The following ITPKA variants were observed in gnomAD, a reference collection of about 807,000 sequenced individuals.
The protein encoded by ITPKA is inositol-trisphosphate 3-kinase A, also known as IP3 3-kinase A.
In ITPKA, 16 loss-of-function variants were observed where a neutral mutation model predicts 40.7. That is an observed-to-expected ratio of 0.39 (90% CI 0.27 to 0.60). ITPKA has a LOEUF of 0.60. Ranked by LOEUF, ITPKA falls within the 20% of genes least tolerant of loss-of-function variation. The probability of loss-of-function intolerance (pLI) is 0.50; values close to 1 mark genes in which losing one functional copy is unlikely to be tolerated. For synonymous variants in ITPKA, 313 were observed against 289.9 expected (o/e 1.08, Z -0.81); for missense variants, 540 against 649.3 (o/e 0.83, Z 1.83).
intron 1 of ITPKA, among the ~76,000 whole-genome samples, chr15:41,501,008 G>GAAA (rs11366854): frequency 5.2e-5 from 3 of 58,180 alleles, no homozygotes; most frequent in Non-Finnish European, 9.1e-5. Flanking sequence ...GACTCCATCT[G>GAAA]AAAAAAAAAA....
chr15:41,501,866 C>T lies in ITPKA; in HGVS notation c.803+15C>T. On this transcript the variant is annotated intron_variant, in intron 3 of 6. Coordinates refer to ENST00000260386, the MANE Select transcript of ITPKA (RefSeq NM_002220.3). Reference sequence around the variant, plus strand: ...ATGGGCGTCAGGTATGCGTGCCCTGCCAGGTCGGTTGGGGGGATCAAGTAG... The same window carrying T: ...ATGGGCGTCAGGTATGCGTGCCCTGTCAGGTCGGTTGGGGGGATCAAGTAG... 1 of 1,610,362 alleles carries T rather than the reference C, an allele frequency of 6.2e-7. No homozygotes were observed. Among genetic ancestry groups the T allele is most frequent in the South Asian group, 1.1e-5 (1 of 90,898 alleles).
At chr15:41,497,400 G>A (rs2051080910) in intron 1 of ITPKA, among the ~76,000 whole-genome samples, 1 of 152,162 alleles carries the variant, frequency 6.6e-6, no homozygotes, top group Non-Finnish European at 1.5e-5. Context: ...GCTAAGTTTT[G>A]TATTTTTAAT....
chr15:41,499,293 G>A (rs535372360), intron 1 of ITPKA, among the ~76,000 whole-genome samples: 8 of 152,324 alleles, frequency 5.3e-5, no homozygotes, highest in South Asian at 2.1e-4. Flanking sequence ...GATTGGGCAC[G>A]TGATCACACC....
chr15:41,501,959 G>A (rs779915931), intron 3 of ITPKA, 38 bp from the exon 4 acceptor site: 4 of 1,597,500 alleles, frequency 2.5e-6, no homozygotes, highest in Non-Finnish European at 3.4e-6. Context: ...CTCCGTGTGC[G>A]CCCCCTCATG....
Position 41,494,369 on chromosome 15 carries a change from C to T in ITPKA, c.442C>T (p.Arg148Trp), listed in dbSNP as rs1012655266. 6.0e-6 allele frequency: 9 copies of T among 1,500,880 alleles called. No homozygotes were observed. The South Asian group carries it at 8.7e-5, about 15-fold the overall frequency. 93.0% of individuals were successfully genotyped at this position (1,500,880 alleles called of 1,614,324 possible). A position where few individuals can be genotyped will look rare whatever the true frequency, so the allele number is the denominator to read the frequency against. Reference protein sequence around the residue: ...EDDLLSDSESRSRGNVQLEAG... With the variant: ...EDDLLSDSESWSRGNVQLEAG... ...CGACCTGCTGAGCGACAGTGAGAGCCGGAGCCGCGGCAACGTGCAGCTGGA... is the reference window on the plus strand; with the variant it reads ...CGACCTGCTGAGCGACAGTGAGAGCTGGAGCCGCGGCAACGTGCAGCTGGA... Residue 148 changes from arginine to tryptophan, a missense_variant, in exon 1 of 7, where the codon CGG becomes TGG. By Grantham distance (101) the Arg-to-Trp change is moderately radical. Coordinates refer to ENST00000260386, the MANE Select transcript of ITPKA (RefSeq NM_002220.3). The surrounding 1 kb of genome is among the most constrained non-coding windows in gnomAD (Gnocchi z 7.8).
rs760785605 is a variant in ITPKA at position 41,501,726 on chromosome 15, G to C, written c.678G>C (p.Ala226=). The change falls in exon 3 of 7, where the codon GCG becomes GCC. Residue 226 remains alanine, a synonymous_variant. Transcript: ENST00000260386. ...RYCLARLMAD[A]LRGCVPAFHG... ...GCCTGGCGCGGCTGATGGCTGACGC[G>C]CTGCGCGGCTGCGTGCCTGCCTTCC... The C allele has an allele frequency of 1.9e-6, 3 of 1,611,288 alleles. No homozygotes were observed. The Admixed American group carries it at 5.0e-5, about 27-fold the overall frequency.
chr15:41,494,782 G>C lies in ITPKA; in HGVS notation c.489+366G>C, dbSNP rs1190553737. Among the ~76,000 whole-genome samples the C allele has an allele frequency of 6.6e-6, 1 of 152,220 alleles. No homozygotes were observed. The highest frequency in any genetic ancestry group is 1.5e-5 in the Non-Finnish European group (1 of 68,024). Reference sequence around the variant, plus strand: ...CCGGGTGAACCCTCGGAAGGAGAGAGGCGAAGGAGAGTTTCCCTTACCCCC... The same window carrying C: ...CCGGGTGAACCCTCGGAAGGAGAGACGCGAAGGAGAGTTTCCCTTACCCCC... On this transcript the variant is annotated intron_variant, in intron 1 of 6. Transcript: ENST00000260386. This position sits in a 1 kb window ranked among gnomAD's most constrained non-coding sequence, Gnocchi z 7.8.
chr15:41,502,608 A>G, intron 5 of ITPKA, 105 bp downstream of exon 5: 1 of 923,312 alleles, frequency 1.1e-6, no homozygotes, highest in East Asian at 2.5e-5. Flanking sequence ...CATGGCCCTC[A>G]CCGCGCTGGC....
intron 5 of ITPKA, 73 bp from the exon 6 acceptor site, chr15:41,502,715 G>A (rs2051127060): frequency 1.4e-6 from 2 of 1,384,220 alleles, no homozygotes; most frequent in East Asian, 5.0e-5. Flanking sequence ...GTGGGTCCCG[G>A]CTCCTCATCG....
At chr15:41,500,868 G>A (rs1202085014) in intron 1 of ITPKA, among the ~76,000 whole-genome samples, 2 of 151,910 alleles carry the variant, frequency 1.3e-5, no homozygotes, top group Admixed American at 6.6e-5. Flanking sequence ...AATTAGCCGG[G>A]CATAGTGGTG....
chr15:41,497,322 G>A (rs145975883), intron 1 of ITPKA, among the ~76,000 whole-genome samples: 1 of 152,292 alleles, frequency 6.6e-6, no homozygotes, highest in East Asian at 1.9e-4. Flanking sequence ...AGCTTCTCCC[G>A]GGTTCAAGCG....
chr15:41,500,108 A>T (rs1044242107), intron 1 of ITPKA, among the ~76,000 whole-genome samples: 1 of 152,218 alleles, frequency 6.6e-6, no homozygotes, highest in Non-Finnish European at 1.5e-5. Context: ...CCACAGGCGC[A>T]TGCCACCATG....
At position 41,494,431 on chromosome 15, in the gene ITPKA, G is replaced by A. The variant is rs2051055674; in HGVS notation, c.489+15G>A. The A allele has an allele frequency of 1.4e-6, 2 of 1,404,772 alleles. No individual in the cohort carries two copies. The highest frequency in any genetic ancestry group is 3.0e-5 in the African/African-American group (2 of 66,574). 87.0% of individuals were successfully genotyped at this position (1,404,772 alleles called of 1,614,324 possible). A position where few individuals can be genotyped will look rare whatever the true frequency, so the allele number is the denominator to read the frequency against. On this transcript the variant is annotated intron_variant, in intron 1 of 6. Transcript: ENST00000260386. The surrounding 1 kb of genome is among the most constrained non-coding windows in gnomAD (Gnocchi z 7.8). Reference sequence around the variant, plus strand: ...ACGTGGGTCAGGTACGGGCCGCGGGGGCGGGGCCAGCGCCGGGCGCGGGGG... The same window carrying A: ...ACGTGGGTCAGGTACGGGCCGCGGGAGCGGGGCCAGCGCCGGGCGCGGGGG...
At chr15:41,499,701 G>T (rs773149438) in intron 1 of ITPKA, among the ~76,000 whole-genome samples, 32 of 152,096 alleles carry the variant, frequency 2.1e-4, no homozygotes, top group Non-Finnish European at 4.1e-4. Flanking sequence ...GTGCTAAAAG[G>T]CAAGTGCCTC....
rs2051142117 is a variant in ITPKA at position 41,503,515 on chromosome 15, G to T, written c.*349G>T. ...CTTCCGGTCTAACGTCTCACACCAC[G>T]ACGGACTCCCCTTCCTAATAAAACT... On this transcript the variant is annotated 3_prime_UTR_variant, in exon 7 of 7. Transcript: ENST00000260386. 1.7e-6 allele frequency: 1 copy of T among 598,074 alleles called. No homozygotes were observed. Among genetic ancestry groups the T allele is most frequent in the Middle Eastern group, 2.8e-4 (1 of 3,606 alleles). The allele number at this position is 598,074 out of a possible 1,614,324, so 37.0% of individuals were successfully genotyped here.
intron 1 of ITPKA, chr15:41,501,236 T>C: frequency 1.2e-6 from 1 of 842,002 alleles, no homozygotes; most frequent in Non-Finnish European, 1.4e-6. Flanking sequence ...GTCCAGGCTC[T>C]TGACAGCTCA....
rs766479102 is a variant in ITPKA at position 41,501,688 on chromosome 15, C to T, written c.640C>T (p.Pro214Ser). Residue 214 changes from proline (P) to serine (S), a missense_variant, in exon 3 of 7, where the codon CCG becomes TCG. Transcript: ENST00000260386. ...GCTGATCCTGAAGCGCTGCTCGGAGCCGGAGCGCTACTGCCTGGCGCGGCT... is the reference window on the plus strand; with the variant it reads ...GCTGATCCTGAAGCGCTGCTCGGAGTCGGAGCGCTACTGCCTGGCGCGGCT... ...SGLILKRCSEPERYCLARLMA... is the reference protein window; with the variant it reads ...SGLILKRCSESERYCLARLMA... 4.3e-6 allele frequency: 7 copies of T among 1,610,056 alleles called. No individual in the cohort carries two copies. In the South Asian group the frequency reaches 5.5e-5, roughly 13 times the overall value.
intron 4 of ITPKA, 50 bp downstream of exon 4, chr15:41,502,251 T>C: frequency 6.6e-7 from 1 of 1,520,854 alleles, no homozygotes; most frequent in Non-Finnish European, 8.9e-7. Flanking sequence ...CTGCGCGCTG[T>C]CTTTCCCGAT....
chr15:41,497,746 G>A (rs930707310), intron 1 of ITPKA, among the ~76,000 whole-genome samples: 1 of 152,168 alleles, frequency 6.6e-6, no homozygotes, highest in Admixed American at 6.6e-5. Context: ...TAGGCTGGGA[G>A]CAGTGGCTCA....
Sources: gnomAD v4.1 joint callset for allele counts (sites outside exome capture counted in the v4.1 genomes callset) on GRCh38, gnomAD v4.1.1 for gene constraint, Gnocchi (gnomAD v3.1) non-coding constraint, MANE v1.5 for transcripts, NCBI Gene and HGNC (gene_info 2026-07-23, HGNC 2026-07-21) for gene names.